Variants in BRAT1 observed in about 807,000 individuals in gnomAD.
BRAT1 encodes BRCA1 associated ATM activator 1.
Under a neutral mutation model 70.6 loss-of-function variants are expected in BRAT1, and 74 were observed. The ratio of observed to expected loss-of-function variants is 1.05; its 90% CI spans 0.87 to 1.27. The LOEUF is 1.27. BRAT1 is among the 50% of genes most tolerant of loss of function. The probability of loss-of-function intolerance (pLI) is 0.00; values close to 1 mark genes in which losing one functional copy is unlikely to be tolerated. For synonymous variants in BRAT1, 615 were observed against 517.1 expected (o/e 1.19, Z -2.57); for missense variants, 1,203 against 1,098.2 (o/e 1.10, Z -1.35).
intron 1 of BRAT1, 115 bp from the exon 2 acceptor site, chr7:2,554,562 C>G: frequency 7.9e-7 from 1 of 1,260,620 alleles, no homozygotes; most frequent in Non-Finnish European, 1.1e-6. Context: ...GAACTTTCAT[C>G]TCAGACCAGG....
rs760259005 is a variant in BRAT1 at position 2,540,994 on chromosome 7, G to T, written c.1380C>A (p.Pro460=). ...LAVLLECLES[P]GSSPTVLKKA... ...ACCACCGTACCGTGGGGCTGGAGCCGGGGCTCTCGAGGCACTCCAGGAGGA... is the reference window on the plus strand; with the variant it reads ...ACCACCGTACCGTGGGGCTGGAGCCTGGGCTCTCGAGGCACTCCAGGAGGA... Residue 460 remains proline, a synonymous_variant, in exon 10 of 14, where the codon CCC becomes CCA. Coordinates refer to ENST00000340611, the MANE Select transcript of BRAT1 (RefSeq NM_152743.4). The T allele has an allele frequency of 2.6e-6, 4 of 1,552,854 alleles. No individual in the cohort carries two copies. In the African/African-American group the frequency reaches 5.7e-5, roughly 22 times the overall value.
In BRAT1 at chr7:2,543,418, G is replaced by C. The variant is rs1190368106; in HGVS notation, c.804-95C>G. 2.7e-6 allele frequency: 4 copies of C among 1,494,028 alleles called. No homozygotes were observed. The highest frequency in any genetic ancestry group is 3.6e-6 in the Non-Finnish European group (4 of 1,124,922). 92.5% of individuals were successfully genotyped at this position (1,494,028 alleles called of 1,614,324 possible). A position where few individuals can be genotyped will look rare whatever the true frequency, so the allele number is the denominator to read the frequency against. ...CTGCCATGGCTCCGGCACTGGAGGC[G>C]CCCAGCCCAAGACAGGCCTTTCCCC... is the stretch of plus-strand genomic sequence containing the variant. On this transcript the variant is annotated intron_variant, in intron 5 of 13. Transcript: ENST00000340611. This position sits in a 1 kb window ranked among gnomAD's most constrained non-coding sequence, Gnocchi z 5.5.
chr7:2,551,898 T>C (rs545512624), intron 2 of BRAT1, among the ~76,000 whole-genome samples: 1 of 148,786 alleles, frequency 6.7e-6, no homozygotes, highest in East Asian at 2.0e-4. Context: ...AAATCAATAA[T>C]AAAAAGACTG....
chr7:2,553,633 G>C lies in BRAT1; in HGVS notation c.127+672C>G, dbSNP rs143675236. On this transcript the variant is annotated intron_variant, in intron 2 of 13. Coordinates refer to ENST00000340611, the MANE Select transcript of BRAT1 (RefSeq NM_152743.4). ...TTTACTCTTTTGTTCATGTTTTAAA[G>C]AACATGTATTACTTTGTTTTTTTTT... is the stretch of plus-strand genomic sequence containing the variant. 7.9e-5 allele frequency among the ~76,000 whole-genome samples: 12 copies of C among 151,664 alleles called. No homozygotes were observed. The East Asian group carries it at 2.3e-3, about 29-fold the overall frequency.
At chr7:2,553,814 G>GT (rs765357895) in intron 2 of BRAT1, among the ~76,000 whole-genome samples, 2,303 of 133,050 alleles carry the variant, frequency 0.017, 30 homozygotes, top group African/African-American at 0.036. Context: ...GCTAATTTTT[G>GT]TTTTTTTTTT....
At chr7:2,554,206 C>T in intron 2 of BRAT1, 99 bp downstream of exon 2, 4 of 1,471,634 alleles carry the variant, frequency 2.7e-6, no homozygotes, top group Non-Finnish European at 3.7e-6. Context: ...TTCTGCCCTT[C>T]CTCCAGGACA....
chr7:2,540,185 AT>A, intron 10 of BRAT1: 1 of 356,552 alleles, frequency 2.8e-6, no homozygotes, highest in Non-Finnish European at 5.1e-6. Context: ...CGCCTGGCTA[AT>A]TTTTGCAGTC....
intron 3 of BRAT1, among the ~76,000 whole-genome samples, chr7:2,546,565 T>C (rs1248576161): frequency 1.3e-5 from 2 of 152,176 alleles, no homozygotes; most frequent in Non-Finnish European, 2.9e-5. Context: ...TGAAATCCTG[T>C]CTCTACTAAA....
rs1339437631 is a variant in BRAT1 at position 2,547,357 on chromosome 7, G to A, written c.249C>T (p.Phe83=). 12 of 1,614,142 alleles carry A rather than the reference G, an allele frequency of 7.4e-6. No individual in the cohort carries two copies. Among genetic ancestry groups the A allele is most frequent in the Middle Eastern group, 1.6e-4 (1 of 6,062 alleles). ...LSFSLRLAGT[F]AAQENCFQYL... ...ACTGGAAGCAGTTTTCCTGGGCTGC[G>A]AAGGTTCCTGCCAGGCGCAGTGAGA... The change falls in exon 3 of 14, where the codon TTC becomes TTT. Residue 83 remains phenylalanine, a synonymous_variant. Coordinates refer to ENST00000340611, the MANE Select transcript of BRAT1 (RefSeq NM_152743.4).
rs1583288594 is a variant in BRAT1 at position 2,538,297 on chromosome 7, G to A, written c.2238C>T (p.Ala746=). 1.9e-6 allele frequency: 3 copies of A among 1,612,714 alleles called. No individual in the cohort carries two copies. Among genetic ancestry groups the A allele is most frequent in the Non-Finnish European group, 2.5e-6 (3 of 1,179,826 alleles). ...ACCTCGGCAGGGTGGCCTCTGCGGA[G>A]GCAGTGTTGGGGCTGCCCCTGGCCT... ...LREARGSPNT[A]SAEATLPRWR... The change falls in exon 14 of 14, where the codon GCC becomes GCT. Residue 746 remains alanine (A), a synonymous_variant. Transcript: ENST00000340611.
Position 2,538,515 on chromosome 7 carries a change from G to T in BRAT1, c.2020C>A (p.Pro674Thr). ...QTLGPPRTHC[P>T]YAVALPEVAP... Reference sequence around the variant, plus strand: ...ACCTCGGGTAGGGCCACGGCATAGGGGCAGTGGGTACGCGGCGGCCCCAAA... The same window carrying T: ...ACCTCGGGTAGGGCCACGGCATAGGTGCAGTGGGTACGCGGCGGCCCCAAA... Residue 674 changes from proline to threonine, a missense_variant, in exon 14 of 14, where the codon CCC becomes ACC. By Grantham distance (38) the Pro-to-Thr change is conservative (BLOSUM62 -1). Coordinates refer to ENST00000340611, the MANE Select transcript of BRAT1 (RefSeq NM_152743.4). 6.2e-7 allele frequency: 1 copy of T among 1,609,908 alleles called. No homozygotes were observed. Among genetic ancestry groups the T allele is most frequent in the Non-Finnish European group, 8.5e-7 (1 of 1,179,670 alleles).
Position 2,543,421 on chromosome 7 carries a change from C to A in BRAT1, c.804-98G>T. On this transcript the variant is annotated intron_variant, in intron 5 of 13. Transcript: ENST00000340611. The surrounding 1 kb of genome is among the most constrained non-coding windows in gnomAD (Gnocchi z 5.5). ...CCATGGCTCCGGCACTGGAGGCGCC[C>A]AGCCCAAGACAGGCCTTTCCCCATG... The A allele has an allele frequency of 6.7e-7, 1 of 1,486,644 alleles. No homozygotes were observed. The allele number at this position is 1,486,644 out of a possible 1,614,324, so 92.1% of individuals were successfully genotyped here. A position where few individuals can be genotyped will look rare whatever the true frequency, so the allele number is the denominator to read the frequency against.
At chr7:2,541,264 A>G in intron 9 of BRAT1, 34 bp downstream of exon 9, 1 of 1,533,756 alleles carries the variant, frequency 6.5e-7, no homozygotes, top group Non-Finnish European at 8.7e-7. Flanking sequence ...GCACAGGGAT[A>G]GCCCCACGCC....
In BRAT1 at chr7:2,549,482, T is replaced by C. The variant is rs536354339; in HGVS notation, c.128-2004A>G. 3.3e-3 allele frequency among the ~76,000 whole-genome samples: 488 copies of C among 148,144 alleles called. 4 individuals carry two copies. The highest frequency in any genetic ancestry group is 0.012 in the African/African-American group (466 of 39,984). On this transcript the variant is annotated intron_variant, in intron 2 of 13. Coordinates refer to ENST00000340611, the MANE Select transcript of BRAT1 (RefSeq NM_152743.4). ...AAGAACTTGTCTAAAAAGAAGAACA[T>C]AAATAGAATGTATAACTTCAAAACC...
At chr7:2,544,018 G>C in intron 4 of BRAT1, 56 bp from the exon 5 acceptor site, 2 of 1,355,032 alleles carry the variant, frequency 1.5e-6, no homozygotes, top group East Asian at 2.5e-5. Flanking sequence ...ATAGAGCTGG[G>C]GGAGGCAGAG....
In BRAT1 at chr7:2,543,221, G is replaced by A. The variant is rs770541977; in HGVS notation, c.906C>T (p.Ile302=). The A allele has an allele frequency of 1.0e-5, 16 of 1,607,522 alleles. No homozygotes were observed. Among genetic ancestry groups the A allele is most frequent in the Non-Finnish European group, 1.3e-5 (15 of 1,177,136 alleles). ...PTHMGPLALG[I]LKLEHCPQAL... is the part of the protein sequence containing the mutation. The stretch of plus-strand genomic sequence containing the variant: ...GACCATACCAGTGCTCGAGCTTCAG[G>A]ATCCCCAAAGCCAGGGGTCCCATGT... Residue 302 remains isoleucine (I), a synonymous_variant, in exon 6 of 14, where the codon ATC becomes ATT. Coordinates refer to ENST00000340611, the MANE Select transcript of BRAT1 (RefSeq NM_152743.4). The surrounding 1 kb of genome is among the most constrained non-coding windows in gnomAD (Gnocchi z 5.5).
Position 2,541,281 on chromosome 7 carries a change from G to A in BRAT1, c.1321+17C>T, listed in dbSNP as rs756253392. ...ACAGGGATAGCCCCACGCCAAAGCC[G>A]TACAGAACACACTCACCTGTCCCCT... On this transcript the variant is annotated intron_variant, in intron 9 of 13. Coordinates refer to ENST00000340611, the MANE Select transcript of BRAT1 (RefSeq NM_152743.4). 5 of 1,565,036 alleles carry A rather than the reference G, an allele frequency of 3.2e-6. No homozygotes were observed. Among genetic ancestry groups the A allele is most frequent in the South Asian group, 2.3e-5 (2 of 85,926 alleles).
intron 3 of BRAT1, among the ~76,000 whole-genome samples, chr7:2,545,856 T>C (rs1158731555): frequency 6.6e-6 from 1 of 152,184 alleles, no homozygotes; most frequent in African/African-American, 2.4e-5. Context: ...GGCAGCACCC[T>C]AGGACACCTT....
rs750773344 is a variant in BRAT1, at chr7:2,539,297, A to G, written c.1652T>C (p.Leu551Pro). The change falls in exon 13 of 14, where the codon CTG (leucine) becomes CCG (proline). Residue 551 changes from leucine to proline, a missense_variant. Coordinates refer to ENST00000340611, the MANE Select transcript of BRAT1 (RefSeq NM_152743.4). ...ACTCTCAGGGTCCTGGAGGAGCTGC[A>G]GGGCCAGCTGAGGCACCTCTGAAGC... Reference protein sequence around the residue: ...LLASEVPQLALQLLQDPESYV... With the variant: ...LLASEVPQLAPQLLQDPESYV... 1 of 1,611,970 alleles carries G rather than the reference A, an allele frequency of 6.2e-7. No individual in the cohort carries two copies. Among genetic ancestry groups the G allele is most frequent in the East Asian group, 2.2e-5 (1 of 44,870 alleles).
Sources: gnomAD v4.1 joint callset for allele counts (sites outside exome capture counted in the v4.1 genomes callset) on GRCh38, gnomAD v4.1.1 for gene constraint, Gnocchi (gnomAD v3.1) non-coding constraint, MANE v1.5 for transcripts, NCBI Gene and HGNC (gene_info 2026-07-23, HGNC 2026-07-21) for gene names.